Variants in KPTN observed in about 807,000 individuals in gnomAD.
KPTN encodes the protein KICSTOR complex protein kaptin.
KPTN carries 36 observed loss-of-function variants against 52.6 expected under a neutral mutation model. The observed-to-expected ratio is 0.68, with a 90% CI of 0.52 to 0.90. The LOEUF is 0.90. Among genes scored for constraint, KPTN ranks in the 40% least tolerant of loss-of-function variants. KPTN has a pLI of 0.00. For missense variants in KPTN, 529 were observed against 576.2 expected (o/e 0.92, Z 0.84); for synonymous variants, 271 against 248.4 (o/e 1.09, Z -0.85).
upstream of KPTN, among the ~76,000 whole-genome samples, chr19:47,485,324 G>C (rs115185192): frequency 5.0e-4 from 76 of 152,354 alleles, no homozygotes; most frequent in Non-Finnish European, 7.6e-4. Flanking sequence ...TCAAATGGAG[G>C]CTCAGAAAGA....
Position 47,483,787 on chromosome 19 carries a change from A to C in KPTN, c.226+148T>G. On this transcript the variant is annotated intron_variant, in intron 1 of 11. Transcript: ENST00000338134. ...AAACCCTAGGCTCATCCGGGCCCCA[A>C]CTATGCCTGCCCGCTGATCCCAGTG... 3.4e-6 allele frequency: 4 copies of C among 1,186,490 alleles called. No homozygotes were observed. The South Asian group carries it at 6.0e-5, about 18-fold the overall frequency. The allele number at this position is 1,186,490 out of a possible 1,614,324, so 73.5% of individuals were successfully genotyped here. A position where few individuals can be genotyped will look rare whatever the true frequency, so the allele number is the denominator to read the frequency against.
chr19:47,477,051 T>A, intron 9 of KPTN, 113 bp from the exon 10 acceptor site: 1 of 1,106,562 alleles, frequency 9.0e-7, no homozygotes, highest in Non-Finnish European at 1.3e-6. Flanking sequence ...CTAGACACAC[T>A]GGTCCTCCGG....
At chr19:47,478,044 A>G (rs1195705792) in intron 8 of KPTN, among the ~76,000 whole-genome samples, 1 of 151,408 alleles carries the variant, frequency 6.6e-6, no homozygotes, top group African/African-American at 2.4e-5. Flanking sequence ...TGGGTGACAG[A>G]GCGAGACTCC....
At position 47,483,914 on chromosome 19, in the gene KPTN, CAG is replaced by C. The variant is rs1342140347; in HGVS notation, c.226+19_226+20del. 19 of 1,612,328 alleles carry C rather than the reference CAG, an allele frequency of 1.2e-5. No homozygotes were observed. Among genetic ancestry groups the C allele is most frequent in the Admixed American group, 3.3e-5 (2 of 59,930 alleles). On this transcript the variant is annotated intron_variant, in intron 1 of 11. Transcript: ENST00000338134. The stretch of plus-strand genomic sequence containing the variant: ...CACCACGTTCCAGGCCCCCGCCCCC[CAG>C]CACCATAGCGCCACCCACCGGGAAT...
At chr19:47,480,858 C>T (rs1260276878) in intron 5 of KPTN, 25 bp from the exon 6 acceptor site, 3 of 1,613,592 alleles carry the variant, frequency 1.9e-6, no homozygotes, top group East Asian at 4.5e-5. Context: ...ACCCACCCCA[C>T]CCCCGCTTAA....
At chr19:47,479,503 C>T (rs1967788958) in intron 8 of KPTN, among the ~76,000 whole-genome samples, 1 of 152,010 alleles carries the variant, frequency 6.6e-6, no homozygotes, top group Non-Finnish European at 1.5e-5. Flanking sequence ...GGCCACAGAG[C>T]GGGGTGAGGA....
chr19:47,483,746 A>G lies in KPTN; in HGVS notation c.227-162T>C. On this transcript the variant is annotated intron_variant, in intron 1 of 11. Transcript: ENST00000338134. ...TGGGTACTAGGGATCCTGACCTGTA[A>G]GTCTGAAGAATCCTGAAACCCTAGG... 3.2e-6 allele frequency: 3 copies of G among 925,978 alleles called. No homozygotes were observed. In the South Asian group the frequency reaches 5.1e-5, roughly 16 times the overall value. 57.4% of individuals were successfully genotyped at this position (925,978 alleles called of 1,614,324 possible).
chr19:47,480,585 G>A (rs1839941449), intron 6 of KPTN, 175 bp downstream of exon 6: 1 of 764,410 alleles, frequency 1.3e-6, no homozygotes, highest in Non-Finnish European at 2.2e-6. Context: ...CGAGGGCTGA[G>A]TCCACCTCTT....
upstream of KPTN, among the ~76,000 whole-genome samples, chr19:47,485,523 C>T (rs1207821768): frequency 6.6e-6 from 1 of 152,198 alleles, no homozygotes; most frequent in Non-Finnish European, 1.5e-5. Flanking sequence ...GTCCTGGACA[C>T]CTCGAGCACA....
Position 47,482,259 on chromosome 19 carries a change from C to T in KPTN, c.449+902G>A, listed in dbSNP as rs1967901397. Among the ~76,000 whole-genome samples, 6 of 152,216 alleles carry T rather than the reference C, an allele frequency of 3.9e-5. No homozygotes were observed. The South Asian group carries it at 8.3e-4, about 21-fold the overall frequency. ...ATCCCAGCACTTTGGGAGGCCAAGG[C>T]GGGCGGATCACCTGAGGTCAGGAGT... On this transcript the variant is annotated intron_variant, in intron 4 of 11. Transcript: ENST00000338134.
chr19:47,480,019 C>G, intron 7 of KPTN, 79 bp from the exon 8 acceptor site: 2 of 1,223,726 alleles, frequency 1.6e-6, no homozygotes, highest in Non-Finnish European at 2.3e-6. Context: ...ACTTTCCGCC[C>G]CCACCGTTCA....
Position 47,477,796 on chromosome 19 carries a change from T to C in KPTN, c.788-15A>G. On this transcript the variant is annotated splice_polypyrimidine_tract_variant and intron_variant, in intron 8 of 11. Transcript: ENST00000338134. Reference sequence around the variant, plus strand: ...GTCCTTGGTCTCTGGAGAAGAAACATGAATGGTAATCCCAGCACTTTGGGA... The same window carrying C: ...GTCCTTGGTCTCTGGAGAAGAAACACGAATGGTAATCCCAGCACTTTGGGA... 1.2e-6 allele frequency: 2 copies of C among 1,603,516 alleles called. No individual in the cohort carries two copies. Among genetic ancestry groups the C allele is most frequent in the Non-Finnish European group, 1.7e-6 (2 of 1,171,068 alleles).
chr19:47,476,831 G>A lies in KPTN; in HGVS notation c.971C>T (p.Pro324Leu), dbSNP rs1967687857. 4 of 1,583,154 alleles carry A rather than the reference G, an allele frequency of 2.5e-6. No homozygotes were observed. The highest frequency in any genetic ancestry group is 3.4e-6 in the Non-Finnish European group (4 of 1,164,466). The change falls in exon 10 of 12, where the codon CCA (proline) becomes CTA (leucine). Residue 324 changes from proline to leucine, a missense_variant. Coordinates refer to ENST00000338134, the MANE Select transcript of KPTN (RefSeq NM_007059.4). Reference protein sequence around the residue: ...LVTDVDLDGRPEVLVATYGQE... With the variant: ...LVTDVDLDGRLEVLVATYGQE... ...TCCATAGGTGGCCACCAGGACTTCTGGCCGCCCATCCAAATCCACATCGGT... is the reference window on the plus strand; with the variant it reads ...TCCATAGGTGGCCACCAGGACTTCTAGCCGCCCATCCAAATCCACATCGGT...
rs767252189 is a variant in KPTN, at chr19:47,475,367, A to G, written c.*49T>C. On this transcript the variant is annotated 3_prime_UTR_variant, in exon 12 of 12. Coordinates refer to ENST00000338134, the MANE Select transcript of KPTN (RefSeq NM_007059.4). ...CACCCCCCACCAGCGGCTGGAGGTG[A>G]GCACGCCATGAGTCGCCCCAGGTCT... The G allele has an allele frequency of 1.3e-6, 2 of 1,594,658 alleles. No homozygotes were observed. Among genetic ancestry groups the G allele is most frequent in the Non-Finnish European group, 1.7e-6 (2 of 1,168,364 alleles).
chr19:47,480,446 C>T (rs1967838010), intron 6 of KPTN, 39 bp from the exon 7 acceptor site: 4 of 1,438,138 alleles, frequency 2.8e-6, no homozygotes, highest in Non-Finnish European at 3.8e-6. Flanking sequence ...ACGGCCATTG[C>T]TGGGCCCAGC....
At position 47,479,918 on chromosome 19, in the gene KPTN, G is replaced by GACCGACCACATCTGCAGA. The variant is rs587777148; in HGVS notation, c.714_731dup (p.Met241_Gln246dup). 6.1e-4 allele frequency: 990 copies of GACCGACCACATCTGCAGA among 1,613,386 alleles called. No homozygotes were observed. Among genetic ancestry groups the GACCGACCACATCTGCAGA allele is most frequent in the Non-Finnish European group, 7.4e-4 (871 of 1,179,832 alleles). On this transcript the variant is annotated inframe_insertion, in exon 8 of 12. Coordinates refer to ENST00000338134, the MANE Select transcript of KPTN (RefSeq NM_007059.4). ...CTCGGGAGATGGGACCGTCCTGCAG[G>GACCGACCACATCTGCAGA]ACCGACCACATCTGCAGAACCTCTG...
intron 4 of KPTN, 22 bp from the exon 5 acceptor site, chr19:47,481,055 A>C (rs201167198): frequency 1.9e-6 from 3 of 1,557,020 alleles, no homozygotes. Context: ...GAAATCTAGA[A>C]CCCAAGGTAG....
Position 47,476,513 on chromosome 19 carries a change from C to T in KPTN, c.1182+19G>A. On this transcript the variant is annotated intron_variant, in intron 11 of 11. Coordinates refer to ENST00000338134, the MANE Select transcript of KPTN (RefSeq NM_007059.4). ...ACTGCTGAGGTCGACTCCCCTCCCA[C>T]CCCAAGAGCTGGGGATACCTGCAGG... 1.3e-6 allele frequency: 2 copies of T among 1,580,598 alleles called. No homozygotes were observed. The highest frequency in any genetic ancestry group is 1.7e-6 in the Non-Finnish European group (2 of 1,159,920).
chr19:47,485,227 C>T (rs1391811763), upstream of KPTN, among the ~76,000 whole-genome samples: 2 of 152,146 alleles, frequency 1.3e-5, no homozygotes, highest in African/African-American at 2.4e-5. Context: ...TTACTATGTG[C>T]CCGGACGTCC....
Sources: gnomAD v4.1 joint callset for allele counts (sites outside exome capture counted in the v4.1 genomes callset) on GRCh38, gnomAD v4.1.1 for gene constraint, MANE v1.5 for transcripts, NCBI Gene and HGNC (gene_info 2026-07-23, HGNC 2026-07-21) for gene names.